The following KCTD20 variants were observed in gnomAD, a reference collection of about 807,000 sequenced individuals.
The protein encoded by KCTD20 is potassium channel tetramerization domain containing 20.
Under a neutral mutation model 39.6 loss-of-function variants are expected in KCTD20, and 30 were observed. The observed-to-expected ratio is 0.76, with a 90% confidence interval of 0.57 to 1.03. The LOEUF (loss-of-function observed/expected upper bound fraction) is 1.03. KCTD20 is among the 50% of genes least tolerant of loss of function. KCTD20 has a pLI of 0.00. For synonymous variants in KCTD20, 162 were observed against 180.6 expected, an observed-to-expected ratio of 0.90 and a Z score of 0.83; for missense variants, 422 against 522.0, an observed-to-expected ratio of 0.81 and a Z score of 1.87.
Position 36,457,328 on chromosome 6 carries a change from T to C in KCTD20, c.-46-12724T>C, listed in dbSNP as rs564664501. Among the ~76,000 whole-genome samples, 5 of 152,326 alleles carry C rather than the reference T, an allele frequency of 3.3e-5. 1 individual carries two copies. In the South Asian group the frequency reaches 1.0e-3, roughly 32 times the overall value. On this transcript the variant is annotated intron_variant, in intron 1 of 7. Coordinates refer to ENST00000373731, the MANE Select transcript of KCTD20 (RefSeq NM_173562.5). ...CACATTACTTGCCTCGGTCATATTG[T>C]GGATTTTAGAATTGGAATGGTTTCT... is the stretch of plus-strand genomic sequence containing the variant.
intron 6 of KCTD20, among the ~76,000 whole-genome samples, chr6:36,482,107 C>T (rs1036767430): frequency 6.6e-6 from 1 of 152,232 alleles, no homozygotes; most frequent in Non-Finnish European, 1.5e-5. Context: ...CTTATTCTCA[C>T]TCCTGCCCCA....
intron 1 of KCTD20, among the ~76,000 whole-genome samples, chr6:36,445,800 T>G (rs1400673158): frequency 6.6e-6 from 1 of 152,112 alleles, no homozygotes; most frequent in African/African-American, 2.4e-5. Flanking sequence ...AGAGAAATTA[T>G]AAGTAGATGG....
chr6:36,456,499 G>A (rs892413730), intron 1 of KCTD20, among the ~76,000 whole-genome samples: 7 of 150,816 alleles, frequency 4.6e-5, no homozygotes, highest in African/African-American at 1.7e-4. Flanking sequence ...GGCTGGTCTC[G>A]AACTCCTGAC....
intron 2 of KCTD20, among the ~76,000 whole-genome samples, chr6:36,470,663 G>A (rs1464253047): frequency 2.0e-5 from 3 of 151,964 alleles, no homozygotes; most frequent in African/African-American, 2.4e-5. Flanking sequence ...GTGCAGTGGC[G>A]CGATCTTGGC....
intron 3 of KCTD20, among the ~76,000 whole-genome samples, chr6:36,477,848 G>A (rs1471867794): frequency 6.8e-6 from 1 of 147,542 alleles, no homozygotes; most frequent in Non-Finnish European, 1.5e-5. Flanking sequence ...GCTCACGCCT[G>A]TAATCCCAGC....
intron 1 of KCTD20, among the ~76,000 whole-genome samples, chr6:36,467,316 GGATT>G (rs1775784470): frequency 9.4e-6 from 1 of 106,758 alleles, no homozygotes; most frequent in African/African-American, 3.5e-5. Context: ...AAATCCTTCA[GGATT>G]TTTTTTTTTT....
In KCTD20 at chr6:36,467,526, C is replaced by T. The variant is rs190109922; in HGVS notation, c.-46-2526C>T. Among the ~76,000 whole-genome samples the T allele has an allele frequency of 8.2e-3, 1,237 of 150,188 alleles. 7 individuals are homozygous for T. The highest frequency in any genetic ancestry group is 0.013 in the Non-Finnish European group (877 of 67,522). ...GTAATTTTTGTATTTTTAATAGAGA[C>T]GGGGTTTCACCGTGTTAGCCAGGAT... On this transcript the variant is annotated intron_variant, in intron 1 of 7. Coordinates refer to ENST00000373731, the MANE Select transcript of KCTD20 (RefSeq NM_173562.5).
At chr6:36,449,401 CAG>C (rs556247896) in intron 1 of KCTD20, among the ~76,000 whole-genome samples, 246 of 150,812 alleles carry the variant, frequency 1.6e-3, no homozygotes, top group African/African-American at 5.9e-3. Flanking sequence ...TTGATAGACA[CAG>C]AGCGCTGATT....
In KCTD20 at chr6:36,483,493, C is replaced by A. The variant is rs114179669; in HGVS notation, c.857-1221C>A. On this transcript the variant is annotated intron_variant, in intron 6 of 7. Coordinates refer to ENST00000373731, the MANE Select transcript of KCTD20 (RefSeq NM_173562.5). ...CTCCCAAGTGCTGGGATTGCAGGCA[C>A]CATGGCTGGCCAACAGTGGCTTCTT... is the stretch of plus-strand genomic sequence containing the variant. 4.9e-3 allele frequency among the ~76,000 whole-genome samples: 749 copies of A among 152,116 alleles called. 2 individuals are homozygous for A. Among genetic ancestry groups the A allele is most frequent in the Non-Finnish European group, 8.0e-3 (541 of 67,986 alleles).
At chr6:36,445,517 C>T (rs1316022831) in intron 1 of KCTD20, among the ~76,000 whole-genome samples, 2 of 152,110 alleles carry the variant, frequency 1.3e-5, no homozygotes, top group African/African-American at 4.8e-5. Flanking sequence ...GTTGTGTCTT[C>T]CTCTGGCCTT....
chr6:36,466,902 C>T (rs12214285), intron 1 of KCTD20, among the ~76,000 whole-genome samples: 85,307 of 151,878 alleles, frequency 0.56, 25,807 homozygotes, highest in Middle Eastern at 0.7. Context: ...TCTTAGGTTT[C>T]ATAAGTCAAG....
At chr6:36,453,472 T>C (rs115966660) in intron 1 of KCTD20, among the ~76,000 whole-genome samples, 375 of 152,122 alleles carry the variant, frequency 2.5e-3, no homozygotes, top group African/African-American at 8.5e-3. Flanking sequence ...TTGAGAAAGA[T>C]ACTTTGATTA....
chr6:36,456,818 G>A (rs931295223), intron 1 of KCTD20, among the ~76,000 whole-genome samples: 1 of 151,946 alleles, frequency 6.6e-6, no homozygotes, highest in Non-Finnish European at 1.5e-5. Flanking sequence ...CTACAGGTGT[G>A]CAAAACCACG....
At chr6:36,464,727 A>C (rs1194292355) in intron 1 of KCTD20, among the ~76,000 whole-genome samples, 1 of 152,196 alleles carries the variant, frequency 6.6e-6, no homozygotes, top group Non-Finnish European at 1.5e-5. Context: ...CAGAGTTCTC[A>C]TTAGCATGCA....
At chr6:36,460,710 T>C (rs1775577401) in intron 1 of KCTD20, among the ~76,000 whole-genome samples, 1 of 152,178 alleles carries the variant, frequency 6.6e-6, no homozygotes, top group South Asian at 2.1e-4. Flanking sequence ...GGAAAGGTGC[T>C]AGATGTGCCC....
chr6:36,444,220 G>C (rs1467893885), intron 1 of KCTD20, among the ~76,000 whole-genome samples: 1 of 152,072 alleles, frequency 6.6e-6, no homozygotes, highest in Non-Finnish European at 1.5e-5. Context: ...GATGATCCAG[G>C]GACCGACCAC....
In KCTD20 at chr6:36,486,891, A is replaced by T. The variant is rs1185753863; in HGVS notation, c.976A>T (p.Thr326Ser). 1 of 1,612,508 alleles carries T rather than the reference A, an allele frequency of 6.2e-7. No homozygotes were observed. The highest frequency in any genetic ancestry group is 8.5e-7 in the Non-Finnish European group (1 of 1,179,380). Residue 326 changes from threonine to serine, a missense_variant, in exon 8 of 8, where the codon ACC (threonine) becomes TCC (serine). Transcript: ENST00000373731. The stretch of plus-strand genomic sequence containing the variant: ...GCCTTTTTCCATTGCAGGTTACCCT[A>T]CCTGTAAAGAAAAAATTAAGAGAAG... Reference protein sequence around the residue: ...NIRIGIEGYPTCKEKIKRRPG... With the variant: ...NIRIGIEGYPSCKEKIKRRPG...
intron 1 of KCTD20, among the ~76,000 whole-genome samples, chr6:36,466,935 G>A (rs1257250424): frequency 6.6e-6 from 1 of 152,032 alleles, no homozygotes; most frequent in Non-Finnish European, 1.5e-5. Context: ...CATCATTCTG[G>A]GATTTTAGAG....
At chr6:36,458,229 A>AT (rs1396211555) in intron 1 of KCTD20, among the ~76,000 whole-genome samples, 3 of 151,484 alleles carry the variant, frequency 2.0e-5, no homozygotes, top group African/African-American at 7.3e-5. Flanking sequence ...ATTTTTTTTT[A>AT]TTTTTATTTT....
Sources: allele counts gnomAD v4.1 joint callset (sites outside exome capture counted in the v4.1 genomes callset), GRCh38; gene constraint gnomAD v4.1.1; transcripts MANE v1.5; gene names NCBI Gene and HGNC (gene_info 2026-07-23, HGNC 2026-07-21).